Variants in NBEA observed in about 807,000 individuals in gnomAD.
NBEA encodes lysosomal-trafficking regulator 2.
Under a neutral mutation model 343.4 loss-of-function variants are expected in NBEA, and 44 were observed. That is an observed-to-expected ratio of 0.13 (90% CI 0.10 to 0.16). NBEA has a LOEUF of 0.16. NBEA is among the 10% of genes least tolerant of loss of function. NBEA has a pLI of 1.00. For missense variants in NBEA, 2,555 were observed against 3,631.3 expected, an observed-to-expected ratio of 0.70 and a Z score of 7.62; for synonymous variants, 1,175 against 1,238.7, an observed-to-expected ratio of 0.95 and a Z score of 1.08.
chr13:35,070,824 A>G lies in NBEA; in HGVS notation c.1543A>G (p.Asn515Asp), dbSNP rs369627017. Residue 515 changes from asparagine (N) to aspartate (D), a missense_variant, in exon 10 of 59, where the codon AAT becomes GAT. By Grantham distance (23) the Asn-to-Asp change is conservative. Transcript: ENST00000379939. ...LFAQLDNRQLNDSQVETTVCA... is the reference protein window; with the variant it reads ...LFAQLDNRQLDDSQVETTVCA... Reference sequence around the variant, plus strand: ...TGCCCAATTGGATAATAGGCAGCTCAATGACAGTCAAGTGGAAACAACTGT... The same window carrying G: ...TGCCCAATTGGATAATAGGCAGCTCGATGACAGTCAAGTGGAAACAACTGT... The G allele has an allele frequency of 5.6e-6, 9 of 1,610,150 alleles. 1 individual carries two copies. In the South Asian group the frequency reaches 6.6e-5, roughly 12 times the overall value.
At chr13:35,198,147 TC>T (rs34173546) in intron 31 of NBEA, among the ~76,000 whole-genome samples, 1 of 152,168 alleles carries the variant, frequency 6.6e-6, no homozygotes, top group African/African-American at 2.4e-5. Context: ...CCCTGGGTGT[TC>T]CTTATGATGT....
chr13:35,290,492 T>C, intron 35 of NBEA, 42 bp downstream of exon 35: 2 of 1,409,352 alleles, frequency 1.4e-6, no homozygotes, highest in Non-Finnish European at 2.0e-6. Flanking sequence ...TATATGAGGG[T>C]TTTTTGTGAC....
chr13:35,244,783 A>T (rs2030923760), intron 34 of NBEA, among the ~76,000 whole-genome samples: 1 of 151,932 alleles, frequency 6.6e-6, no homozygotes, highest in Non-Finnish European at 1.5e-5. Context: ...GTTTGTGTTT[A>T]TGATTTCCTT....
intron 2 of NBEA, 63 bp from the exon 3 acceptor site, chr13:35,044,884 A>G (rs899920354): frequency 8.4e-5 from 108 of 1,285,148 alleles, no homozygotes; most frequent in Middle Eastern, 7.5e-4. Flanking sequence ...TTCAAAAAGT[A>G]TATTACCTTG....
Position 35,151,608 on chromosome 13 carries a change from G to T in NBEA, c.2446-4166G>T, listed in dbSNP as rs372753878. ...TTAGCAGGACATGTCAGACAACATT[G>T]TATAAGTTGTGAAGATGTAAAAATC... On this transcript the variant is annotated intron_variant, in intron 18 of 58. Coordinates refer to ENST00000379939, the MANE Select transcript of NBEA (RefSeq NM_001385012.1). Among the ~76,000 whole-genome samples, 5 of 150,832 alleles carry T rather than the reference G, an allele frequency of 3.3e-5. No individual in the cohort carries two copies. In the East Asian group the frequency reaches 7.8e-4, roughly 23 times the overall value.
chr13:35,224,027 G>A (rs777152026), intron 33 of NBEA, among the ~76,000 whole-genome samples: 1 of 152,216 alleles, frequency 6.6e-6, no homozygotes, highest in African/African-American at 2.4e-5. Flanking sequence ...CCTAGAATTC[G>A]CCTTGCGCAT....
chr13:35,327,691 G>A (rs913259453), intron 36 of NBEA, among the ~76,000 whole-genome samples: 4 of 151,862 alleles, frequency 2.6e-5, no homozygotes, highest in Non-Finnish European at 5.9e-5. Context: ...CACTACCAGG[G>A]TGATGGGATC....
intron 24 of NBEA, among the ~76,000 whole-genome samples, chr13:35,167,393 A>G (rs2070120503): frequency 6.6e-6 from 1 of 151,852 alleles, no homozygotes; most frequent in Admixed American, 6.6e-5. Flanking sequence ...AAATTTTTGA[A>G]CTGTTTAATC....
At chr13:35,148,316 C>G (rs1479377669) in intron 18 of NBEA, among the ~76,000 whole-genome samples, 1 of 152,140 alleles carries the variant, frequency 6.6e-6, no homozygotes, top group Non-Finnish European at 1.5e-5. Flanking sequence ...TAGAACATAA[C>G]TCATTAAGTA....
chr13:35,311,850 G>A (rs556125268), intron 36 of NBEA, among the ~76,000 whole-genome samples: 1 of 151,700 alleles, frequency 6.6e-6, no homozygotes, highest in African/African-American at 2.4e-5. Flanking sequence ...GCGAGACTTC[G>A]TCCCCCCACC....
chr13:35,246,041 C>T (rs1299992592), intron 34 of NBEA, among the ~76,000 whole-genome samples: 1 of 152,076 alleles, frequency 6.6e-6, no homozygotes, highest in East Asian at 1.9e-4. Flanking sequence ...TATCTTCAAG[C>T]TCTAAATTTG....
chr13:35,240,088 C>T (rs1261199843), intron 34 of NBEA, among the ~76,000 whole-genome samples: 2 of 149,302 alleles, frequency 1.3e-5, no homozygotes, highest in Non-Finnish European at 3.0e-5. Flanking sequence ...CCAATAATAA[C>T]TGCAATGCAT....
At chr13:35,500,854 G>A (rs1203500734) in intron 41 of NBEA, among the ~76,000 whole-genome samples, 2 of 151,942 alleles carry the variant, frequency 1.3e-5, no homozygotes, top group Non-Finnish European at 2.9e-5. Flanking sequence ...GTTCACTATA[G>A]TATTTTCAGA....
chr13:34,972,989 T>A (rs1482248610), intron 1 of NBEA, among the ~76,000 whole-genome samples: 1 of 152,216 alleles, frequency 6.6e-6, no homozygotes. Flanking sequence ...CTTAAATCTT[T>A]GAGGTTGCTC....
intron 1 of NBEA, among the ~76,000 whole-genome samples, chr13:35,022,501 C>T (rs2061878801): frequency 6.6e-6 from 1 of 152,028 alleles, no homozygotes. Flanking sequence ...TGTTTCTTAG[C>T]TGGGGTACAG....
At chr13:34,976,085 A>G (rs903942054) in intron 1 of NBEA, among the ~76,000 whole-genome samples, 1 of 152,214 alleles carries the variant, frequency 6.6e-6, no homozygotes, top group Non-Finnish European at 1.5e-5. Flanking sequence ...ATCTACCCAG[A>G]GGAAAATAAG....
intron 1 of NBEA, among the ~76,000 whole-genome samples, chr13:34,983,941 G>T (rs1391802880): frequency 6.6e-6 from 1 of 152,028 alleles, no homozygotes; most frequent in African/African-American, 2.4e-5. Context: ...TGGGTAGATT[G>T]CAAAAATTTT....
intron 41 of NBEA, among the ~76,000 whole-genome samples, chr13:35,521,626 G>A (rs891760230): frequency 1.3e-5 from 2 of 152,194 alleles, no homozygotes; most frequent in South Asian, 2.1e-4. Context: ...GGATCTCCCC[G>A]CTAGAAACCC....
chr13:35,415,412 A>C (rs1249293503), intron 38 of NBEA, among the ~76,000 whole-genome samples: 1 of 152,156 alleles, frequency 6.6e-6, no homozygotes, highest in Admixed American at 6.5e-5. Flanking sequence ...ATTTTTGTAT[A>C]AGATGTGAGG....
Sources: allele counts gnomAD v4.1 joint callset (sites outside exome capture counted in the v4.1 genomes callset), GRCh38; gene constraint gnomAD v4.1.1; transcripts MANE v1.5; gene names NCBI Gene and HGNC (gene_info 2026-07-23, HGNC 2026-07-21).